Variants in TICRR observed in about 807,000 individuals in gnomAD.
The protein encoded by TICRR is TOPBP1 interacting checkpoint and replication regulator.
A neutral mutation model predicts 178.1 loss-of-function variants in TICRR; 132 were observed. That is an observed-to-expected ratio of 0.74 (90% CI 0.64 to 0.86). TICRR has a LOEUF of 0.86. Ranked by LOEUF, TICRR falls within the 40% of genes least tolerant of loss-of-function variation. TICRR has a pLI of 0.00. For synonymous variants in TICRR, 991 were observed against 900.7 expected, an observed-to-expected ratio of 1.10 and a Z score of -1.79; for missense variants, 2,587 against 2,334.3, an observed-to-expected ratio of 1.11 and a Z score of -2.23.
chr15:89,608,167 G>C (rs1160352436), intron 14 of TICRR, among the ~76,000 whole-genome samples: 1 of 152,050 alleles, frequency 6.6e-6, no homozygotes, highest in East Asian at 1.9e-4. Context: ...AGTGGTGGGG[G>C]CCTTCCTTGT....
In TICRR at chr15:89,576,096, C is replaced by T; in HGVS notation, c.510C>T (p.Phe170=). ...ACTCGCAGAGGGAGCTGCTGCAGTT[C>T]GTGTCTGGGTGCGAGGCCCAGGCCC... ...CPHSQRELLQ[F]VSGCEAQAQR... Residue 170 remains phenylalanine, a synonymous_variant, in exon 1 of 22, where the codon TTC becomes TTT. Coordinates refer to ENST00000268138, the MANE Select transcript of TICRR (RefSeq NM_152259.4). The T allele has an allele frequency of 6.2e-7, 1 of 1,611,868 alleles. No homozygotes were observed. Among genetic ancestry groups the T allele is most frequent in the Non-Finnish European group, 8.5e-7 (1 of 1,179,934 alleles).
intron 18 of TICRR, among the ~76,000 whole-genome samples, chr15:89,620,584 T>C (rs527530340): frequency 3.8e-4 from 58 of 152,330 alleles, no homozygotes; most frequent in African/African-American, 1.4e-3. Flanking sequence ...GGGGTTAATA[T>C]GCCGTCTTAC....
At position 89,575,504 on chromosome 15, in the gene TICRR, G is replaced by T; in HGVS notation, c.-83G>T. The stretch of plus-strand genomic sequence containing the variant: ...CCAGGGTCCCAAAGGAAAGCAGTGA[G>T]TGGTGCTGTTTCCCTGAAGGAAGGG... On this transcript the variant is annotated 5_prime_UTR_variant, in exon 1 of 22. Transcript: ENST00000268138. The T allele has an allele frequency of 7.6e-7, 1 of 1,309,082 alleles. No individual in the cohort carries two copies. Among genetic ancestry groups the T allele is most frequent in the Non-Finnish European group, 1.0e-6 (1 of 994,078 alleles). The allele number at this position is 1,309,082 out of a possible 1,614,324, so 81.1% of individuals were successfully genotyped here.
rs1373894731 is a variant in TICRR, at chr15:89,624,583, A to C, written c.4273A>C (p.Lys1425Gln). The change falls in exon 20 of 22, where the codon AAG becomes CAG. Residue 1425 changes from lysine to glutamine, a missense_variant. Transcript: ENST00000268138. ...CCCCACAGACTCTAGAGATGACCAG[A>C]AGGGACTGAGCCTCTCTCCTCAGTC... ...AAPTDSRDDQ[K>Q]GLSLSPQSPP... The C allele has an allele frequency of 3.7e-6, 6 of 1,613,794 alleles. No homozygotes were observed. Among genetic ancestry groups the C allele is most frequent in the Admixed American group, 1.7e-5 (1 of 59,998 alleles).
rs376813582 is a variant in TICRR at position 89,585,823 on chromosome 15, G to A, written c.1292G>A (p.Arg431Gln). Residue 431 changes from arginine (R) to glutamine (Q), a missense_variant, in exon 4 of 22, where the codon CGA becomes CAA. Coordinates refer to ENST00000268138, the MANE Select transcript of TICRR (RefSeq NM_152259.4). Reference protein sequence around the residue: ...VCRTKEAEFQRHVLQTAVADS... With the variant: ...VCRTKEAEFQQHVLQTAVADS... Reference sequence around the variant, plus strand: ...CGCACCAAGGAGGCTGAATTTCAACGACATGTTCTCCAAACAGCTGTGGCT... The same window carrying A: ...CGCACCAAGGAGGCTGAATTTCAACAACATGTTCTCCAAACAGCTGTGGCT... 22 of 1,614,116 alleles carry A rather than the reference G, an allele frequency of 1.4e-5. No homozygotes were observed. Among genetic ancestry groups the A allele is most frequent in the East Asian group, 1.1e-4 (5 of 44,874 alleles).
At chr15:89,595,254 A>G (rs1962977704) in intron 6 of TICRR, 139 bp from the exon 7 acceptor site, 1 of 663,980 alleles carries the variant, frequency 1.5e-6, no homozygotes, top group South Asian at 1.9e-5. Context: ...AAGAGATGCA[A>G]GAACTTCCTA....
chr15:89,608,925 C>G lies in TICRR; in HGVS notation c.2845C>G (p.Leu949Val). 6.3e-7 allele frequency: 1 copy of G among 1,598,712 alleles called. No homozygotes were observed. Among genetic ancestry groups the G allele is most frequent in the Non-Finnish European group, 8.5e-7 (1 of 1,175,606 alleles). ...AGCTGTGGATGGTCTAGAGGATAAA[C>G]TTGACAACTTCAAGAAGAACAAAGG... ...VSAVDGLEDKLDNFKKNKGYH... is the reference protein window; with the variant it reads ...VSAVDGLEDKVDNFKKNKGYH... Residue 949 changes from leucine to valine, a missense_variant, in exon 15 of 22, where the codon CTT (leucine) becomes GTT (valine). Leu to Val is a conservative substitution (Grantham distance 32). Transcript: ENST00000268138.
At chr15:89,604,968 T>G (rs1963153136) in intron 13 of TICRR, among the ~76,000 whole-genome samples, 1 of 152,172 alleles carries the variant, frequency 6.6e-6, no homozygotes, top group African/African-American at 2.4e-5. Flanking sequence ...AACTTAAGCG[T>G]AGACATATAG....
Position 89,582,777 on chromosome 15 carries a change from G to T in TICRR, c.746G>T (p.Ser249Ile), listed in dbSNP as rs1596039165. 1 of 1,614,208 alleles carries T rather than the reference G, an allele frequency of 6.2e-7. No homozygotes were observed. The highest frequency in any genetic ancestry group is 8.5e-7 in the Non-Finnish European group (1 of 1,180,042). The change falls in exon 2 of 22, where the codon AGC (serine) becomes ATC (isoleucine). Residue 249 changes from serine to isoleucine, a missense_variant. Ser to Ile is a moderately radical substitution (Grantham distance 142, BLOSUM62 -2). Coordinates refer to ENST00000268138, the MANE Select transcript of TICRR (RefSeq NM_152259.4). ...GGTVLPSESF[S>I]WDFAQAGEML... Reference sequence around the variant, plus strand: ...ACTGTCTTGCCATCTGAATCTTTCAGCTGGGATTTTGCTCAAGCTGGGGAA... The same window carrying T: ...ACTGTCTTGCCATCTGAATCTTTCATCTGGGATTTTGCTCAAGCTGGGGAA...
rs114715281 is a variant in TICRR at position 89,601,825 on chromosome 15, A to C, written c.2416A>C (p.Thr806Pro). 2 of 1,613,978 alleles carry C rather than the reference A, an allele frequency of 1.2e-6. No homozygotes were observed. Among genetic ancestry groups the C allele is most frequent in the Non-Finnish European group, 1.7e-6 (2 of 1,180,020 alleles). ...IPQKLAGVLP[T>P]DFFSDDSMTQ... ...TCAGAAGCTGGCTGGTGTCCTTCCT[A>C]CAGATTTTTTCAGTGATGACTCCAT... Residue 806 changes from threonine (T) to proline (P), a missense_variant, in exon 12 of 22, where the codon ACA (threonine) becomes CCA (proline). Thr to Pro is a conservative substitution (Grantham distance 38). Transcript: ENST00000268138.
In TICRR at chr15:89,625,255, C is replaced by G. The variant is rs1567053806; in HGVS notation, c.4945C>G (p.Pro1649Ala). ...GQTYICQACTPTHGPSSTPSP... is the reference protein window; with the variant it reads ...GQTYICQACTATHGPSSTPSP... ...AACCTACATCTGCCAGGCCTGTACC[C>G]CCACCCACGGCCCTTCTAGTACCCC... Residue 1649 changes from proline (P) to alanine (A), a missense_variant, in exon 20 of 22, where the codon CCC becomes GCC. Physicochemically the swap from Pro to Ala is conservative, Grantham distance 27. Coordinates refer to ENST00000268138, the MANE Select transcript of TICRR (RefSeq NM_152259.4). 1 of 1,613,118 alleles carries G rather than the reference C, an allele frequency of 6.2e-7. No individual in the cohort carries two copies. Among genetic ancestry groups the G allele is most frequent in the African/African-American group, 1.3e-5 (1 of 75,012 alleles).
rs147564898 is a variant in TICRR, at chr15:89,585,858, C to G, written c.1327C>G (p.Arg443Gly). The G allele has an allele frequency of 2.5e-6, 4 of 1,614,084 alleles. No individual in the cohort carries two copies. Among genetic ancestry groups the G allele is most frequent in the African/African-American group, 1.3e-5 (1 of 75,004 alleles). ...VLQTAVADSP[R>G]DTASLFSDVV... Reference sequence around the variant, plus strand: ...CCAAACAGCTGTGGCTGACAGCCCCCGGGACACAGCTTCCCTTTTCTCAGA... The same window carrying G: ...CCAAACAGCTGTGGCTGACAGCCCCGGGGACACAGCTTCCCTTTTCTCAGA... The change falls in exon 4 of 22, where the codon CGG (arginine) becomes GGG (glycine). Residue 443 changes from arginine to glycine, a missense_variant. Arg to Gly is a moderately radical substitution (Grantham distance 125). Transcript: ENST00000268138.
rs1962810329 is a variant in TICRR, at chr15:89,585,740, C to A, written c.1209C>A (p.Pro403=). The A allele has an allele frequency of 1.2e-6, 2 of 1,614,136 alleles. No homozygotes were observed. Among genetic ancestry groups the A allele is most frequent in the Non-Finnish European group, 1.7e-6 (2 of 1,180,012 alleles). ...ATGTGGACCCTGGTGAAGGCCGGCC[C>A]CCCATCACTGGAGTTATTTCCCCAC... is the stretch of plus-strand genomic sequence containing the variant. ...VADVDPGEGR[P]PITGVISPLS... Residue 403 remains proline, a synonymous_variant, in exon 4 of 22, where the codon CCC becomes CCA. Transcript: ENST00000268138.
At chr15:89,602,081 C>T in intron 12 of TICRR, 105 bp downstream of exon 12, 2 of 1,377,416 alleles carry the variant, frequency 1.5e-6, no homozygotes, top group Non-Finnish European at 9.8e-7. Flanking sequence ...ATTTGTTGAA[C>T]TAATAGCTGC....
In TICRR at chr15:89,585,942, G is replaced by T; in HGVS notation, c.1411G>T (p.Ala471Ser). 1 of 1,612,638 alleles carries T rather than the reference G, an allele frequency of 6.2e-7. No individual in the cohort carries two copies. The highest frequency in any genetic ancestry group is 8.5e-7 in the Non-Finnish European group (1 of 1,178,742). The change falls in exon 4 of 22, where the codon GCT (alanine) becomes TCT (serine). Residue 471 changes from alanine to serine, a missense_variant and splice_region_variant. By Grantham distance (99) the Ala-to-Ser change is moderately conservative. Coordinates refer to ENST00000268138, the MANE Select transcript of TICRR (RefSeq NM_152259.4). ...TTCGCTTGCAGATACTGCTTCTGCTGGTAAGCTCCTAAACTAGTAACTAAC... is the reference window on the plus strand; with the variant it reads ...TTCGCTTGCAGATACTGCTTCTGCTTGTAAGCTCCTAAACTAGTAACTAAC... ...HDSLADTASA[A>S]SPVPEWAQQE...
chr15:89,579,231 G>C (rs1190648558), intron 1 of TICRR, among the ~76,000 whole-genome samples: 1 of 152,114 alleles, frequency 6.6e-6, no homozygotes, highest in African/African-American at 2.4e-5. Flanking sequence ...ATAGTCTAGT[G>C]GACATTTACA....
chr15:89,619,583 T>TTA, intron 17 of TICRR, 125 bp from the exon 18 acceptor site: 1 of 998,632 alleles, frequency 1.0e-6, no homozygotes, highest in Admixed American at 2.5e-5. Flanking sequence ...CTCTTAAAGC[T>TTA]AATAGCTTGC....
Position 89,625,491 on chromosome 15 carries a change from C to T in TICRR, c.5181C>T (p.Leu1727=). 3 of 1,613,960 alleles carry T rather than the reference C, an allele frequency of 1.9e-6. No homozygotes were observed. In the South Asian group the frequency reaches 3.3e-5, roughly 18 times the overall value. Residue 1727 remains leucine (L), a synonymous_variant, in exon 20 of 22, where the codon CTC becomes CTT. Coordinates refer to ENST00000268138, the MANE Select transcript of TICRR (RefSeq NM_152259.4). ...AGGGCAAGGACCACGGCCTTGAACT[C>T]AGCATCCACAGGACGCCCATCTTGG... The part of the protein sequence containing the change: ...ESEGKDHGLE[L]SIHRTPILED...
intron 5 of TICRR, 151 bp from the exon 6 acceptor site, chr15:89,594,264 T>G: frequency 1.7e-6 from 1 of 604,640 alleles, no homozygotes; most frequent in Non-Finnish European, 2.7e-6. Context: ...GAGGGACATT[T>G]TCTCTCCTAA....
Sources: allele counts gnomAD v4.1 joint callset (sites outside exome capture counted in the v4.1 genomes callset), GRCh38; gene constraint gnomAD v4.1.1; transcripts MANE v1.5; gene names NCBI Gene and HGNC (gene_info 2026-07-23, HGNC 2026-07-21).